ZRANB1: variants seen among roughly 807,000 people sequenced by gnomAD.
ZRANB1 encodes the protein ubiquitin thioesterase ZRANB1.
ZRANB1 carries 16 observed loss-of-function variants against 80.5 expected under a neutral mutation model. The ratio of observed to expected loss-of-function variants is 0.20; its 90% CI spans 0.13 to 0.30. The LOEUF is 0.30. ZRANB1 is among the 10% of genes least tolerant of loss of function. ZRANB1 has a pLI of 1.00. For missense variants in ZRANB1, 576 were observed against 862.6 expected (o/e 0.67, Z 4.16); for synonymous variants, 291 against 293.1 (o/e 0.99, Z 0.07).
At chr10:124,924,358 T>G in the ZRANB1 span, among the ~76,000 whole-genome samples, 1 of 151,940 alleles carries the variant, frequency 6.6e-6, no homozygotes, top group African/African-American at 2.4e-5. Flanking sequence ...TTCACCCCTT[T>G]AAAGTATACA....
At chr10:124,919,108 T>C in the ZRANB1 span, among the ~76,000 whole-genome samples, 13 of 152,358 alleles carry the variant, frequency 8.5e-5, no homozygotes, top group Admixed American at 3.9e-4. Flanking sequence ...ATGTCACATT[T>C]AAAGTCTGAG....
At chr10:124,969,214 T>C (rs977445436) in intron 2 of ZRANB1, among the ~76,000 whole-genome samples, 6 of 152,218 alleles carry the variant, frequency 3.9e-5, no homozygotes, top group African/African-American at 1.2e-4. Flanking sequence ...GCAGTGTCTT[T>C]TATAAATTGA....
chr10:124,964,235 TAATG>T (rs1475413543), intron 1 of ZRANB1, among the ~76,000 whole-genome samples: 2 of 152,346 alleles, frequency 1.3e-5, no homozygotes, highest in East Asian at 1.9e-4. Flanking sequence ...AAAAAGCACT[TAATG>T]AAAGCAGAAT....
chr10:124,929,744 G>A, the ZRANB1 span, among the ~76,000 whole-genome samples: 2 of 151,532 alleles, frequency 1.3e-5, no homozygotes, highest in South Asian at 2.1e-4. Flanking sequence ...TCAGGAGTTC[G>A]AGACCAGCCT....
the ZRANB1 span, among the ~76,000 whole-genome samples, chr10:124,928,972 A>G: frequency 5.3e-5 from 8 of 152,368 alleles, no homozygotes; most frequent in African/African-American, 1.9e-4. Context: ...AGGAACAGAA[A>G]GTCACTTTAT....
At chr10:124,960,792 C>T (rs913540371) in intron 1 of ZRANB1, among the ~76,000 whole-genome samples, 7 of 152,170 alleles carry the variant, frequency 4.6e-5, no homozygotes, top group African/African-American at 1.7e-4. Context: ...TTCAGTTTCT[C>T]TCGGCCTACC....
At chr10:124,972,355 C>G (rs895753985) in intron 3 of ZRANB1, among the ~76,000 whole-genome samples, 1 of 152,074 alleles carries the variant, frequency 6.6e-6, no homozygotes, top group Non-Finnish European at 1.5e-5. Flanking sequence ...TCTTTGTGGA[C>G]CTCAGATTAT....
the ZRANB1 span, among the ~76,000 whole-genome samples, chr10:124,935,981 G>A: frequency 6.6e-6 from 1 of 152,216 alleles, no homozygotes; most frequent in Admixed American, 6.5e-5. Flanking sequence ...ATGGTTGCTT[G>A]GAGTGTACTT....
the ZRANB1 span, among the ~76,000 whole-genome samples, chr10:124,935,875 A>G: frequency 6.6e-6 from 1 of 152,220 alleles, no homozygotes; most frequent in African/African-American, 2.4e-5. Flanking sequence ...GGATGGAAAT[A>G]GAAGGATGTG....
At chr10:124,937,631 A>G (rs1311339672), upstream of ZRANB1, among the ~76,000 whole-genome samples, 4 of 152,244 alleles carry the variant, frequency 2.6e-5, no homozygotes, top group East Asian at 3.8e-4. Context: ...AATATTAAAC[A>G]TGACAGTATA....
intron 1 of ZRANB1, among the ~76,000 whole-genome samples, chr10:124,957,721 A>C (rs1460204364): frequency 2.0e-5 from 3 of 151,746 alleles, no homozygotes; most frequent in African/African-American, 7.3e-5. Flanking sequence ...TCTGGGTCAG[A>C]ATTTCCTTCC....
At chr10:124,977,711 G>GAAAAAAAAAAAA (rs752296814) in intron 5 of ZRANB1, among the ~76,000 whole-genome samples, 1 of 48,730 alleles carries the variant, frequency 2.1e-5, no homozygotes, top group South Asian at 7.8e-4. Flanking sequence ...ACCCTGCTAA[G>GAAAAAAAAAAAA]AAAAAAAAAA....
At chr10:124,957,599 T>G (rs190139807) in intron 1 of ZRANB1, among the ~76,000 whole-genome samples, 1 of 152,158 alleles carries the variant, frequency 6.6e-6, no homozygotes. Context: ...TCATTCTACT[T>G]CCTGTCAATC....
At chr10:124,937,933 G>T (rs577727619), upstream of ZRANB1, among the ~76,000 whole-genome samples, 1 of 152,092 alleles carries the variant, frequency 6.6e-6, no homozygotes, top group Non-Finnish European at 1.5e-5. Flanking sequence ...GTTTTGTCCC[G>T]TTCTCCTTAA....
chr10:124,963,548 TTGTTTG>T (rs1951751965), intron 1 of ZRANB1, among the ~76,000 whole-genome samples: 1 of 126,846 alleles, frequency 7.9e-6, no homozygotes, highest in Non-Finnish European at 1.7e-5. Context: ...TTTTTTTTTT[TTGTTTG>T]TTTTTTTTTT....
At position 124,943,159 on chromosome 10, in the gene ZRANB1, G is replaced by A. The variant is rs1469933446; in HGVS notation, c.666G>A (p.Arg222=). The change falls in exon 1 of 9, where the codon CGG becomes CGA. Residue 222 remains arginine (R), a synonymous_variant. Coordinates refer to ENST00000359653, the MANE Select transcript of ZRANB1 (RefSeq NM_017580.3). ...GGAGATCACCTCCTGCTACGAAGCG[G>A]GACTCTGAAGTGAAAATGGATTTTC... is the stretch of plus-strand genomic sequence containing the variant. ...SQRRSPPATK[R]DSEVKMDFQR... 1 of 1,614,162 alleles carries A rather than the reference G, an allele frequency of 6.2e-7. No individual in the cohort carries two copies. The highest frequency in any genetic ancestry group is 1.3e-5 in the African/African-American group (1 of 75,030).
rs1055620439 is a variant in ZRANB1, at chr10:124,986,817, A to G, written c.*1825A>G. 2.0e-5 allele frequency: 3 copies of G among 152,198 alleles called. No homozygotes were observed. The highest frequency in any genetic ancestry group is 4.4e-5 in the Non-Finnish European group (3 of 68,038). 9.4% of individuals were successfully genotyped at this position (152,198 alleles called of 1,614,324 possible). A position where few individuals can be genotyped will look rare whatever the true frequency, so the allele number is the denominator to read the frequency against. On this transcript the variant is annotated 3_prime_UTR_variant, in exon 9 of 9. Coordinates refer to ENST00000359653, the MANE Select transcript of ZRANB1 (RefSeq NM_017580.3). The stretch of plus-strand genomic sequence containing the variant: ...CTGTTAAGCAAAATCTGCCCTCCCA[A>G]TTGAAAAAGCCAAAGAGAATTGTTA...
At chr10:124,960,774 C>A (rs1393644054) in intron 1 of ZRANB1, among the ~76,000 whole-genome samples, 1 of 152,104 alleles carries the variant, frequency 6.6e-6, no homozygotes, top group Non-Finnish European at 1.5e-5. Context: ...AAAAGGTGGG[C>A]TAGACTATTC....
chr10:124,948,416 T>G (rs1472247800), intron 1 of ZRANB1, among the ~76,000 whole-genome samples: 1 of 152,072 alleles, frequency 6.6e-6, no homozygotes, highest in African/African-American at 2.4e-5. Flanking sequence ...GGGAGATTGG[T>G]CCCCCTAATC....
Sources: gnomAD v4.1 joint callset for allele counts (sites outside exome capture counted in the v4.1 genomes callset) on GRCh38, gnomAD v4.1.1 for gene constraint, MANE v1.5 for transcripts, NCBI Gene and HGNC (gene_info 2026-07-23, HGNC 2026-07-21) for gene names.